Variants in MVP observed in about 807,000 individuals in gnomAD.
MVP encodes the protein lung resistance-related protein.
A neutral mutation model predicts 83.5 loss-of-function variants in MVP; 62 were observed. The observed-to-expected ratio is 0.74, with a 90% CI of 0.61 to 0.92. MVP has a LOEUF of 0.92. MVP is among the 40% of genes least tolerant of loss of function. The pLI is 0.00. For synonymous variants in MVP, 505 were observed against 504.1 expected (o/e 1.00, Z -0.02); for missense variants, 1,000 against 1,203.4 (o/e 0.83, Z 2.50).
intron 13 of MVP, 147 bp downstream of exon 13, chr16:29,846,431 G>T: frequency 1.6e-6 from 2 of 1,272,540 alleles, no homozygotes; most frequent in East Asian, 2.7e-5. Flanking sequence ...CCTTTGCCTT[G>T]TAGGATTCAT....
Position 29,824,184 on chromosome 16 carries a change from C to A in MVP, c.-36+3674C>A, listed in dbSNP as rs1380869398. On this transcript the variant is annotated intron_variant, in intron 1 of 14. Transcript: ENST00000357402. ...TGAGCCGAGATGGCTACACTCCAGT[C>A]TGGGCAACAAGCACGAAACTCCATC... 1.7e-5 allele frequency among the ~76,000 whole-genome samples: 2 copies of A among 117,318 alleles called. 1 individual carries two copies. The highest frequency in any genetic ancestry group is 5.4e-4 in the East Asian group (2 of 3,676). 77.0% of individuals were successfully genotyped at this position (117,318 alleles called of 152,430 possible).
At chr16:29,840,525 G>A in intron 8 of MVP, 66 bp downstream of exon 8, 1 of 1,501,256 alleles carries the variant, frequency 6.7e-7, no homozygotes, top group South Asian at 1.3e-5. Flanking sequence ...CTTCCTCTGG[G>A]TGTGTGGAAG....
At chr16:29,830,742 T>C in intron 2 of MVP, 68 bp downstream of exon 2, 1 of 1,589,540 alleles carries the variant, frequency 6.3e-7, no homozygotes, top group Non-Finnish European at 8.6e-7. Context: ...GGCATGATGG[T>C]CCTTATCCTC....
At chr16:29,824,898 CTCTTT>C (rs1251295878) in intron 1 of MVP, among the ~76,000 whole-genome samples, 2 of 150,670 alleles carry the variant, frequency 1.3e-5, no homozygotes, top group African/African-American at 4.9e-5. Context: ...TCCGGTCTCC[CTCTTT>C]TTTTTTTTTT....
intron 8 of MVP, among the ~76,000 whole-genome samples, chr16:29,840,917 T>C (rs761322277): frequency 6.6e-6 from 1 of 151,808 alleles, no homozygotes; most frequent in Non-Finnish European, 1.5e-5. Flanking sequence ...TCAGCCAGGG[T>C]GACAGAGTGA....
chr16:29,839,011 G>A (rs2067511145), intron 7 of MVP, among the ~76,000 whole-genome samples: 1 of 151,930 alleles, frequency 6.6e-6, no homozygotes, highest in Admixed American at 6.6e-5. Flanking sequence ...ACATGGTGAA[G>A]CCCCGTCTCT....
In MVP at chr16:29,836,746, C is replaced by G; in HGVS notation, c.697C>G (p.Arg233Gly). 1 of 1,599,572 alleles carries G rather than the reference C, an allele frequency of 6.3e-7. No homozygotes were observed. Among genetic ancestry groups the G allele is most frequent in the Non-Finnish European group, 8.5e-7 (1 of 1,170,162 alleles). ...GACAGCCCTGCACCTCCGGGCTCGG[C>G]GGAACTTCCGGGACTTCAGGGGAGT... ...EKTALHLRAR[R>G]NFRDFRGVSR... The change falls in exon 7 of 15, where the codon CGG becomes GGG. Residue 233 changes from arginine to glycine, a missense_variant. Physicochemically the swap from Arg to Gly is moderately radical, Grantham distance 125 (BLOSUM62 -2). Coordinates refer to ENST00000357402, the MANE Select transcript of MVP (RefSeq NM_005115.5).
intron 11 of MVP, 89 bp from the exon 12 acceptor site, chr16:29,845,774 A>C: frequency 1.8e-6 from 2 of 1,112,198 alleles, no homozygotes; most frequent in Non-Finnish European, 2.6e-6. Context: ...TGTCCTGGGC[A>C]CCGGTTTGGT....
At chr16:29,835,524 G>T in intron 5 of MVP, 180 bp from the exon 6 acceptor site, 1 of 439,972 alleles carries the variant, frequency 2.3e-6, no homozygotes, top group East Asian at 3.6e-5. Flanking sequence ...ATTCAACTGG[G>T]GTGGGGGTTT....
intron 7 of MVP, among the ~76,000 whole-genome samples, chr16:29,839,498 C>T (rs1027962036): frequency 5.9e-5 from 9 of 152,012 alleles, no homozygotes; most frequent in East Asian, 1.9e-4. Flanking sequence ...AAGAAACAGG[C>T]GGTGCTGGGC....
At chr16:29,823,122 C>CTTTTTTTTTT in intron 1 of MVP, among the ~76,000 whole-genome samples, 175 of 98,494 alleles carry the variant, frequency 1.8e-3, no homozygotes, top group Middle Eastern at 7.6e-3. Flanking sequence ...CTTTTCTTTT[C>CTTTTTTTTTT]TTTTTTTTTT....
At chr16:29,826,203 A>C (rs1016253973) in intron 1 of MVP, 5 of 152,276 alleles carry the variant, frequency 3.3e-5, no homozygotes, top group East Asian at 1.9e-4. Context: ...ATGAAGAGCC[A>C]GGCTCTGTTC....
At chr16:29,839,240 T>C (rs910033504) in intron 7 of MVP, among the ~76,000 whole-genome samples, 2 of 152,146 alleles carry the variant, frequency 1.3e-5, no homozygotes, top group Non-Finnish European at 1.5e-5. Context: ...ATTGCATGAT[T>C]CCATTTATGT....
intron 7 of MVP, 30 bp downstream of exon 7, chr16:29,836,988 G>T (rs2067493389): frequency 6.3e-7 from 1 of 1,575,326 alleles, no homozygotes; most frequent in African/African-American, 1.3e-5. Context: ...ACAGAGGACT[G>T]CCCTGGGAGA....
Position 29,846,143 on chromosome 16 carries a change from C to T in MVP, c.2139-15C>T, listed in dbSNP as rs764009377. The T allele has an allele frequency of 6.2e-6, 10 of 1,607,196 alleles. No individual in the cohort carries two copies. The highest frequency in any genetic ancestry group is 7.7e-6 in the Non-Finnish European group (9 of 1,176,154). ...GCTGTCTCCCGGGTCTTACCTGACTCTGCCTTCTCCCCAGCATGGCCGTGG... is the reference window on the plus strand; with the variant it reads ...GCTGTCTCCCGGGTCTTACCTGACTTTGCCTTCTCCCCAGCATGGCCGTGG... On this transcript the variant is annotated splice_polypyrimidine_tract_variant and intron_variant, in intron 12 of 14. Coordinates refer to ENST00000357402, the MANE Select transcript of MVP (RefSeq NM_005115.5).
rs2067442908 is a variant in MVP, at chr16:29,831,608, T to C, written c.321+535T>C. On this transcript the variant is annotated intron_variant, in intron 3 of 14. Transcript: ENST00000357402. ...CACATGCCCCAAACACACCTGCCTC[T>C]TTTCTGAGAACTGTTGGCCCATCTC... 4 of 456,060 alleles carry C rather than the reference T, an allele frequency of 8.8e-6. No individual in the cohort carries two copies. In the East Asian group the frequency reaches 2.8e-4, roughly 32 times the overall value. 28.3% of individuals were successfully genotyped at this position (456,060 alleles called of 1,614,324 possible).
In MVP at chr16:29,841,905, G is replaced by A; in HGVS notation, c.1437-10G>A. On this transcript the variant is annotated splice_polypyrimidine_tract_variant and intron_variant, in intron 9 of 14. Coordinates refer to ENST00000357402, the MANE Select transcript of MVP (RefSeq NM_005115.5). This position sits in a 1 kb window ranked among gnomAD's most constrained non-coding sequence, Gnocchi z 4.7. Reference sequence around the variant, plus strand: ...ATGGGTCTGGCTCTGACCCTCGGCTGTCTCTGCAGCGTGGTCTTCGGGCCT... The same window carrying A: ...ATGGGTCTGGCTCTGACCCTCGGCTATCTCTGCAGCGTGGTCTTCGGGCCT... The A allele has an allele frequency of 6.2e-7, 1 of 1,611,730 alleles. No individual in the cohort carries two copies. The highest frequency in any genetic ancestry group is 8.5e-7 in the Non-Finnish European group (1 of 1,179,986).
chr16:29,839,313 G>A (rs539136945), intron 7 of MVP, among the ~76,000 whole-genome samples: 6 of 152,194 alleles, frequency 3.9e-5, no homozygotes, highest in Non-Finnish European at 7.3e-5. Context: ...GGTAGGTGGG[G>A]AGTGGCAGTA....
Position 29,836,950 on chromosome 16 carries a change from G to T in MVP, c.901G>T (p.Val301Leu). 6.2e-7 allele frequency: 1 copy of T among 1,610,822 alleles called. No individual in the cohort carries two copies. Residue 301 changes from valine (V) to leucine (L), a missense_variant, in exon 7 of 15, where the codon GTG becomes TTG. Physicochemically the swap from Val to Leu is conservative, Grantham distance 32. Transcript: ENST00000357402. ...DGKNQLGQKRVVKGEKSFFLQ... is the reference protein window; with the variant it reads ...DGKNQLGQKRLVKGEKSFFLQ... Reference sequence around the variant, plus strand: ...CAAGAATCAGCTGGGGCAGAAGCGCGTGGTCAAGGTGAGGTCCCTACACCC... The same window carrying T: ...CAAGAATCAGCTGGGGCAGAAGCGCTTGGTCAAGGTGAGGTCCCTACACCC...
Sources: gnomAD v4.1 joint callset for allele counts (sites outside exome capture counted in the v4.1 genomes callset) on GRCh38, gnomAD v4.1.1 for gene constraint, Gnocchi (gnomAD v3.1) non-coding constraint, MANE v1.5 for transcripts, NCBI Gene and HGNC (gene_info 2026-07-23, HGNC 2026-07-21) for gene names.